The following SNAP47 variants were observed in gnomAD, a reference collection of about 807,000 sequenced individuals.
The protein encoded by SNAP47 is synaptosomal-associated protein 47.
In SNAP47, 20 loss-of-function variants were observed where a neutral mutation model predicts 31.4. That is an observed-to-expected ratio of 0.64 (90% CI 0.45 to 0.93). The LOEUF is 0.93. Ranked by LOEUF, SNAP47 falls within the 40% of genes least tolerant of loss-of-function variation. The probability of loss-of-function intolerance (pLI) is 0.00; values close to 1 mark genes in which losing one functional copy is unlikely to be tolerated. For missense variants in SNAP47, 492 were observed against 528.5 expected, an observed-to-expected ratio of 0.93 and a Z score of 0.68; for synonymous variants, 194 against 213.4, an observed-to-expected ratio of 0.91 and a Z score of 0.79.
Position 227,748,217 on chromosome 1 carries a change from C to T in SNAP47, c.481C>T (p.Leu161=), listed in dbSNP as rs140858310. ...AGGCCTGGACAAGATGGAGTCAGAC[C>T]TGGAGGTGGCGGACAGGTGGGCTTG... The part of the protein sequence containing the change: ...MRGLDKMESD[L]EVADRLLTEL... Residue 161 remains leucine (L), a synonymous_variant, in exon 2 of 5, where the codon CTG becomes TTG. Transcript: ENST00000617596. 1.7e-5 allele frequency: 27 copies of T among 1,586,718 alleles called. No homozygotes were observed. The African/African-American group carries it at 2.7e-4, about 16-fold the overall frequency.
intron 4 of SNAP47, among the ~76,000 whole-genome samples, chr1:227,779,131 T>C (rs1434709256): frequency 1.3e-5 from 2 of 152,186 alleles, no homozygotes; most frequent in Admixed American, 1.3e-4. Flanking sequence ...TTTTCACAGC[T>C]TGTTCGCATT....
chr1:227,733,220 A>C, upstream of SNAP47: 1 of 843,464 alleles, frequency 1.2e-6, no homozygotes, highest in Non-Finnish European at 1.8e-6. Context: ...CAGTGAACCC[A>C]GAGCAAGTAG....
chr1:227,756,326 G>T (rs189927710), intron 2 of SNAP47, among the ~76,000 whole-genome samples: 35 of 152,346 alleles, frequency 2.3e-4, no homozygotes, highest in African/African-American at 7.7e-4. Context: ...TGTGTAACGC[G>T]ACTCACATTG....
rs1338961813 is a variant in SNAP47 at position 227,759,152 on chromosome 1, C to A, written c.655C>A (p.His219Asn). ...GATAAAAATTCCTGCTGTTATTTCCCACAGAACAGAGTCTCACGTTAAACC... is the reference window on the plus strand; with the variant it reads ...GATAAAAATTCCTGCTGTTATTTCCAACAGAACAGAGTCTCACGTTAAACC... The part of the protein sequence containing the change: ...ILIKIPAVIS[H>N]RTESHVKPGR... Residue 219 changes from histidine to asparagine, a missense_variant, in exon 3 of 5, where the codon CAC becomes AAC. By Grantham distance (68) the His-to-Asn change is moderately conservative (BLOSUM62 1). Transcript: ENST00000617596. 6.2e-6 allele frequency: 10 copies of A among 1,614,172 alleles called. No homozygotes were observed. The highest frequency in any genetic ancestry group is 1.1e-5 in the South Asian group (1 of 91,070).
At chr1:227,764,463 G>C in intron 3 of SNAP47, among the ~76,000 whole-genome samples, 1 of 152,346 alleles carries the variant, frequency 6.6e-6, no homozygotes, top group African/African-American at 2.4e-5. Flanking sequence ...AGGCCCAGGG[G>C]CTCTGCCCTG....
Position 227,760,546 on chromosome 1 carries a change from A to G in SNAP47, c.988+1061A>G, listed in dbSNP as rs527738332. On this transcript the variant is annotated intron_variant, in intron 3 of 4. Coordinates refer to ENST00000617596, the MANE Select transcript of SNAP47 (RefSeq NM_053052.4). The stretch of plus-strand genomic sequence containing the variant: ...AGGGGCAGACACCCTGGGTCTTGGC[A>G]CGTCCACCACGTTTGGCCTACCTCC... Among the ~76,000 whole-genome samples, 4 of 152,280 alleles carry G rather than the reference A, an allele frequency of 2.6e-5. No individual in the cohort carries two copies. In the South Asian group the frequency reaches 8.3e-4, roughly 32 times the overall value.
chr1:227,753,446 T>G (rs1050388324), intron 2 of SNAP47, among the ~76,000 whole-genome samples: 1 of 152,174 alleles, frequency 6.6e-6, no homozygotes, highest in Non-Finnish European at 1.5e-5. Flanking sequence ...GCCGGGTCTG[T>G]CCTACACATA....
At chr1:227,767,429 G>A (rs1407981763) in intron 4 of SNAP47, among the ~76,000 whole-genome samples, 1 of 152,226 alleles carries the variant, frequency 6.6e-6, no homozygotes, top group East Asian at 1.9e-4. Context: ...GCTGTGTGTA[G>A]TGTGCATGTA....
In SNAP47 at chr1:227,748,130, C is replaced by T. The variant is rs558172022; in HGVS notation, c.394C>T (p.Arg132Cys). 1.3e-4 allele frequency: 210 copies of T among 1,613,988 alleles called. 1 individual carries two copies. The highest frequency in any genetic ancestry group is 5.5e-4 in the Admixed American group (33 of 60,018). The change falls in exon 2 of 5, where the codon CGC (arginine) becomes TGC (cysteine). Residue 132 changes from arginine to cysteine, a missense_variant. Coordinates refer to ENST00000617596, the MANE Select transcript of SNAP47 (RefSeq NM_053052.4). Reference protein sequence around the residue: ...LTGLMAGSQKRLEDTARVLHH... With the variant: ...LTGLMAGSQKCLEDTARVLHH... The stretch of plus-strand genomic sequence containing the variant: ...GGGACTCATGGCTGGATCCCAGAAA[C>T]GCCTGGAGGACACGGCGAGGGTCCT...
chr1:227,738,292 G>T (rs1195991470), intron 1 of SNAP47, among the ~76,000 whole-genome samples: 3 of 152,072 alleles, frequency 2.0e-5, no homozygotes. Flanking sequence ...TGCCCGACTC[G>T]GCCTCCCAAA....
At chr1:227,766,868 C>T (rs201698907) in intron 3 of SNAP47, 91 bp from the exon 4 acceptor site, 135 of 1,550,544 alleles carry the variant, frequency 8.7e-5, no homozygotes, top group Non-Finnish European at 1.1e-4. Flanking sequence ...GGAGGAACAC[C>T]GCCTCAAAGA....
At chr1:227,733,557 G>A (rs1037837657), upstream of SNAP47, 1 of 1,606,556 alleles carries the variant, frequency 6.2e-7, no homozygotes, top group Non-Finnish European at 8.5e-7. Context: ...ACGTCGTAGG[G>A]CAGGTTGCCG....
chr1:227,752,579 G>A (rs182899937), intron 2 of SNAP47, among the ~76,000 whole-genome samples: 1 of 152,168 alleles, frequency 6.6e-6, no homozygotes, highest in Non-Finnish European at 1.5e-5. Flanking sequence ...CTTTTTTGTG[G>A]CTGAATAAAA....
intron 4 of SNAP47, among the ~76,000 whole-genome samples, chr1:227,773,565 C>A (rs757439781): frequency 6.6e-6 from 1 of 152,264 alleles, no homozygotes; most frequent in Non-Finnish European, 1.5e-5. Flanking sequence ...CCTTCACGCT[C>A]ACTCACCACA....
intron 4 of SNAP47, chr1:227,776,506 C>T: frequency 1.0e-6 from 1 of 985,612 alleles, no homozygotes; most frequent in Non-Finnish European, 1.2e-6. Flanking sequence ...TGTGAGGCCA[C>T]TGGCTGCCTC....
intron 4 of SNAP47, among the ~76,000 whole-genome samples, chr1:227,779,953 C>A (rs934804345): frequency 6.6e-6 from 1 of 152,178 alleles, no homozygotes; most frequent in African/African-American, 2.4e-5. Flanking sequence ...GTGCTGGCTG[C>A]CCTCCACCGT....
chr1:227,746,148 G>A (rs2102912207), intron 1 of SNAP47: 1 of 152,350 alleles, frequency 6.6e-6, no homozygotes, highest in Non-Finnish European at 1.5e-5. Flanking sequence ...GCCAAGGAGG[G>A]TAATTAATGA....
chr1:227,776,687 G>A (rs1211699014), intron 4 of SNAP47: 2 of 985,368 alleles, frequency 2.0e-6, no homozygotes, highest in Non-Finnish European at 2.4e-6. Context: ...AAAGGAAAAA[G>A]AATCTGGACC....
upstream of SNAP47, chr1:227,728,516 G>T (rs1287380454): frequency 9.2e-6 from 1 of 108,600 alleles, no homozygotes; most frequent in African/African-American, 3.4e-5. Context: ...CCCCGGTCCC[G>T]CCTCCTTCCT....
Sources: allele counts gnomAD v4.1 joint callset (sites outside exome capture counted in the v4.1 genomes callset), GRCh38; gene constraint gnomAD v4.1.1; transcripts MANE v1.5; gene names NCBI Gene and HGNC (gene_info 2026-07-23, HGNC 2026-07-21).